CHAF1A: variants seen among roughly 807,000 people sequenced by gnomAD.
CHAF1A encodes CAF-1 subunit A.
CHAF1A carries 5 observed loss-of-function variants against 93.2 expected under a neutral mutation model. That is an observed-to-expected ratio of 0.05 (90% CI 0.03 to 0.11). The LOEUF (loss-of-function observed/expected upper bound fraction) is 0.11, where lower values mean the gene tolerates loss of function less well. CHAF1A is among the 10% of genes least tolerant of loss of function. CHAF1A has a pLI of 1.00. For missense variants in CHAF1A, 1,102 were observed against 1,259.9 expected (o/e 0.87, Z 1.90); for synonymous variants, 504 against 510.3 (o/e 0.99, Z 0.17).
chr19:4,435,578 C>T (rs752448450), intron 13 of CHAF1A, among the ~76,000 whole-genome samples: 1 of 152,150 alleles, frequency 6.6e-6, no homozygotes, highest in Admixed American at 6.6e-5. Context: ...CCATGTTGCC[C>T]AGGCTGGTCC....
rs1568179971 is a variant in CHAF1A, at chr19:4,432,026, G to A, written c.2022G>A (p.Lys674=). 6.2e-6 allele frequency: 10 copies of A among 1,614,040 alleles called. No individual in the cohort carries two copies. The highest frequency in any genetic ancestry group is 4.0e-5 in the African/African-American group (3 of 74,922). ...AGGAGTGGGACGAGTTCCTGGCTAA[G>A]GGGAAGCGCTTTCGCGTCCTGCAAC... ...KAKEWDEFLA[K]GKRFRVLQPV... The change falls in exon 12 of 15, where the codon AAG becomes AAA. Residue 674 remains lysine, a synonymous_variant. Coordinates refer to ENST00000301280, the MANE Select transcript of CHAF1A (RefSeq NM_005483.3).
chr19:4,406,172 T>C (rs1329972574), intron 2 of CHAF1A, among the ~76,000 whole-genome samples: 1 of 152,052 alleles, frequency 6.6e-6, no homozygotes, highest in Non-Finnish European at 1.5e-5. Context: ...CGATTGGTGT[T>C]TTGTAACTTG....
At chr19:4,431,864 C>A in intron 11 of CHAF1A, 88 bp from the exon 12 acceptor site, 1 of 1,510,172 alleles carries the variant, frequency 6.6e-7, no homozygotes, top group Admixed American at 2.1e-5. Flanking sequence ...TCTTGCTCCC[C>A]AGCTGGCTGG....
intron 3 of CHAF1A, among the ~76,000 whole-genome samples, chr19:4,414,101 T>C (rs912956206): frequency 1.3e-5 from 2 of 152,130 alleles, no homozygotes; most frequent in African/African-American, 2.4e-5. Context: ...AAATTCTCCA[T>C]GTTTAAAAGA....
chr19:4,412,206 C>T (rs1331863594), intron 3 of CHAF1A, among the ~76,000 whole-genome samples: 2 of 152,300 alleles, frequency 1.3e-5, no homozygotes, highest in East Asian at 1.9e-4. Flanking sequence ...AGGCTGCTGC[C>T]GCTTTGCAAA....
intron 3 of CHAF1A, among the ~76,000 whole-genome samples, chr19:4,413,716 C>T (rs1265311330): frequency 6.6e-6 from 1 of 152,134 alleles, no homozygotes; most frequent in African/African-American, 2.4e-5. Flanking sequence ...CGATACAGGT[C>T]CTGCTGTCCC....
chr19:4,431,926 T>A, intron 11 of CHAF1A, 26 bp from the exon 12 acceptor site: 4 of 1,578,850 alleles, frequency 2.5e-6, no homozygotes, highest in Non-Finnish European at 2.6e-6. Flanking sequence ...GAACCCCAAA[T>A]AAACTTCTGC....
Position 4,433,011 on chromosome 19 carries a change from G to T in CHAF1A, c.2204-59G>T. On this transcript the variant is annotated intron_variant, in intron 12 of 14. Coordinates refer to ENST00000301280, the MANE Select transcript of CHAF1A (RefSeq NM_005483.3). This position sits in a 1 kb window ranked among gnomAD's most constrained non-coding sequence, Gnocchi z 5.6. ...AGCTTGTGTATGTGTTTTGTTTTTT[G>T]GCCTGTGGTGATGGGTGGCTCCCCA... 4 of 1,347,968 alleles carry T rather than the reference G, an allele frequency of 3.0e-6. No homozygotes were observed. The highest frequency in any genetic ancestry group is 1.4e-5 in the South Asian group (1 of 69,562). The allele number at this position is 1,347,968 out of a possible 1,614,324, so 83.5% of individuals were successfully genotyped here. A position where few individuals can be genotyped will look rare whatever the true frequency, so the allele number is the denominator to read the frequency against.
intron 7 of CHAF1A, among the ~76,000 whole-genome samples, chr19:4,424,587 C>G (rs1333738868): frequency 6.6e-6 from 1 of 152,182 alleles, no homozygotes; most frequent in Non-Finnish European, 1.5e-5. Context: ...CCTCAGCCTT[C>G]CCGAGTAGCT....
At position 4,409,092 on chromosome 19, in the gene CHAF1A, T is replaced by C; in HGVS notation, c.293T>C (p.Leu98Ser). 2 of 1,614,176 alleles carry C rather than the reference T, an allele frequency of 1.2e-6. No individual in the cohort carries two copies. Among genetic ancestry groups the C allele is most frequent in the South Asian group, 2.2e-5 (2 of 91,084 alleles). Residue 98 changes from leucine (L) to serine (S), a missense_variant, in exon 3 of 15, where the codon TTA becomes TCA. Physicochemically the swap from Leu to Ser is moderately radical, Grantham distance 145. Transcript: ENST00000301280. Reference sequence around the variant, plus strand: ...AAACTTGTCAACGGGAAGGGTCCCTTAGATAACTTTTTAAGAAATAGAATC... The same window carrying C: ...AAACTTGTCAACGGGAAGGGTCCCTCAGATAACTTTTTAAGAAATAGAATC... Reference protein sequence around the residue: ...RPKLVNGKGPLDNFLRNRIET... With the variant: ...RPKLVNGKGPSDNFLRNRIET...
At chr19:4,423,206 A>G in intron 5 of CHAF1A, 129 bp from the exon 6 acceptor site, 3 of 1,356,926 alleles carry the variant, frequency 2.2e-6, no homozygotes, top group Non-Finnish European at 3.0e-6. Context: ...GCCTTATACT[A>G]GACATGAAAA....
At chr19:4,435,233 G>A (rs1385520985) in intron 13 of CHAF1A, among the ~76,000 whole-genome samples, 1 of 151,576 alleles carries the variant, frequency 6.6e-6, no homozygotes, top group Non-Finnish European at 1.5e-5. Flanking sequence ...TGGGACTACA[G>A]GTGCCCGCCA....
At chr19:4,409,968 A>G (rs1973763137) in intron 3 of CHAF1A, among the ~76,000 whole-genome samples, 1 of 152,160 alleles carries the variant, frequency 6.6e-6, no homozygotes, top group African/African-American at 2.4e-5. Flanking sequence ...TAATTCATCA[A>G]CAGTGTACCT....
intron 4 of CHAF1A, among the ~76,000 whole-genome samples, chr19:4,419,348 T>C (rs572906537): frequency 5.5e-4 from 83 of 152,244 alleles, no homozygotes; most frequent in African/African-American, 1.8e-3. Flanking sequence ...TTTCCTGAGC[T>C]CCCTGATGTT....
In CHAF1A at chr19:4,408,965, G is replaced by T. The variant is rs61729782; in HGVS notation, c.166G>T (p.Asp56Tyr). Residue 56 changes from aspartate to tyrosine, a missense_variant, in exon 3 of 15, where the codon GAT becomes TAT. Around this residue, in one of 6 missense-constraint regions of CHAF1A, gnomAD observed 379 missense variants for 365.7 expected, o/e 1.04. Transcript: ENST00000301280. ...GGGGAAAGCCGATGACATGTCAGAC[G>T]ATCAGGGTACTTCTGTGCAAAGTAA... ...PKGKADDMSD[D>Y]QGTSVQSKSP... The T allele has an allele frequency of 6.2e-7, 1 of 1,614,044 alleles. No homozygotes were observed. Among genetic ancestry groups the T allele is most frequent in the African/African-American group, 1.3e-5 (1 of 75,020 alleles).
chr19:4,415,476 C>T (rs1044207694), intron 3 of CHAF1A, among the ~76,000 whole-genome samples: 1 of 152,168 alleles, frequency 6.6e-6, no homozygotes, highest in Non-Finnish European at 1.5e-5. Flanking sequence ...GACCACATTC[C>T]GTATTATAAT....
chr19:4,412,698 G>T (rs1973827871), intron 3 of CHAF1A, among the ~76,000 whole-genome samples: 1 of 152,230 alleles, frequency 6.6e-6, no homozygotes, highest in African/African-American at 2.4e-5. Flanking sequence ...CATGAACCCA[G>T]TGTGCAACAT....
chr19:4,412,443 C>T (rs1973822871), intron 3 of CHAF1A, among the ~76,000 whole-genome samples: 1 of 152,136 alleles, frequency 6.6e-6, no homozygotes, highest in Non-Finnish European at 1.5e-5. Context: ...ACGCCGGAGG[C>T]TGAGGCGGGA....
chr19:4,450,095 T>C, the CHAF1A span: 1 of 151,628 alleles, frequency 6.6e-6, no homozygotes, highest in African/African-American at 2.4e-5. Flanking sequence ...TGTGGTGGCG[T>C]GCACCTGTAG....
Sources: gnomAD v4.1 joint callset for allele counts (sites outside exome capture counted in the v4.1 genomes callset) on GRCh38, gnomAD v4.1.1 for gene constraint, gnomAD v4.1.1 regional missense constraint, Gnocchi (gnomAD v3.1) non-coding constraint, MANE v1.5 for transcripts, NCBI Gene and HGNC (gene_info 2026-07-23, HGNC 2026-07-21) for gene names.